The following ZNF827 variants were observed in gnomAD, a reference collection of about 807,000 sequenced individuals.
ZNF827 encodes the protein zinc finger protein 827.
A neutral mutation model predicts 102.4 loss-of-function variants in ZNF827; 13 were observed. That is an observed-to-expected ratio of 0.13 (90% CI 0.08 to 0.20). ZNF827 has a LOEUF of 0.20. ZNF827 is among the 10% of genes least tolerant of loss of function. The pLI, the probability that ZNF827 is intolerant of heterozygous loss-of-function variation, is 1.00. For missense variants in ZNF827, 1,103 were observed against 1,344.4 expected (o/e 0.82, Z 2.81); for synonymous variants, 523 against 536.2 (o/e 0.98, Z 0.34).
At chr4:145,772,138 T>C (rs1736386439) in intron 11 of ZNF827, among the ~76,000 whole-genome samples, 1 of 152,230 alleles carries the variant, frequency 6.6e-6, no homozygotes, top group East Asian at 1.9e-4. Flanking sequence ...GGGCCACATC[T>C]GAATAGTTTT....
intron 1 of ZNF827, among the ~76,000 whole-genome samples, chr4:145,910,285 G>T (rs922048652): frequency 6.6e-6 from 1 of 152,124 alleles, no homozygotes; most frequent in African/African-American, 2.4e-5. Context: ...CGAAAAAGTA[G>T]CTAAGTCAGT....
intron 5 of ZNF827, 61 bp from the exon 6 acceptor site, chr4:145,849,622 C>T (rs1746328349): frequency 1.3e-5 from 21 of 1,600,088 alleles, no homozygotes; most frequent in South Asian, 1.1e-4. Flanking sequence ...CAAGCTAGAC[C>T]CAGTTTCTAA....
In ZNF827 at chr4:145,918,414, AT is replaced by A. The variant is rs199632591; in HGVS notation, c.44-15200del. ...CAGAACAGGTACTTTTTCTTTATATATAAAAAAAAAAAGCGGAATGGTGCTC... is the reference window on the plus strand; with the variant it reads ...CAGAACAGGTACTTTTTCTTTATATAAAAAAAAAAAAGCGGAATGGTGCTC... On this transcript the variant is annotated intron_variant, in intron 1 of 14. Coordinates refer to ENST00000508784, the MANE Select transcript of ZNF827 (RefSeq NM_001306215.2). Among the ~76,000 whole-genome samples the A allele has an allele frequency of 1.5e-3, 217 of 143,768 alleles. 3 individuals carry two copies. The highest frequency in any genetic ancestry group is 0.015 in the South Asian group (65 of 4,464). 94.3% of individuals were successfully genotyped at this position (143,768 alleles called of 152,430 possible).
intron 7 of ZNF827, among the ~76,000 whole-genome samples, chr4:145,842,977 C>T (rs752929991): frequency 4.6e-5 from 7 of 152,168 alleles, no homozygotes; most frequent in Non-Finnish European, 8.8e-5. Context: ...TTACAAATCA[C>T]ACCTTAAAGC....
intron 8 of ZNF827, among the ~76,000 whole-genome samples, chr4:145,819,365 G>A (rs1286340593): frequency 6.6e-6 from 1 of 152,112 alleles, no homozygotes; most frequent in African/African-American, 2.4e-5. Context: ...CAGAATGGAA[G>A]CTCCACGTTG....
At chr4:145,790,810 A>C (rs543093583) in intron 8 of ZNF827, among the ~76,000 whole-genome samples, 1 of 152,170 alleles carries the variant, frequency 6.6e-6, no homozygotes, top group Non-Finnish European at 1.5e-5. Context: ...CTCCTAACCT[A>C]TTGAATTCTG....
chr4:145,910,157 C>T (rs1335885664), intron 1 of ZNF827, among the ~76,000 whole-genome samples: 4 of 152,008 alleles, frequency 2.6e-5, no homozygotes, highest in African/African-American at 7.2e-5. Context: ...GAGGGAGGGG[C>T]TCCTGGGTCA....
chr4:145,770,322 AT>A (rs1356488339), intron 11 of ZNF827, among the ~76,000 whole-genome samples: 6 of 145,212 alleles, frequency 4.1e-5, no homozygotes, highest in Non-Finnish European at 9.0e-5. Flanking sequence ...AAATAAATAA[AT>A]AAATAAATAA....
intron 8 of ZNF827, among the ~76,000 whole-genome samples, chr4:145,802,111 C>T (rs1740968566): frequency 6.6e-6 from 1 of 152,180 alleles, no homozygotes; most frequent in Non-Finnish European, 1.5e-5. Context: ...AGACTTGTTT[C>T]AGATACTAAG....
chr4:145,912,090 G>A (rs554654791), intron 1 of ZNF827, among the ~76,000 whole-genome samples: 2 of 152,170 alleles, frequency 1.3e-5, no homozygotes, highest in South Asian at 4.1e-4. Context: ...TATGTGAGGA[G>A]CTTGACAAAA....
intron 4 of ZNF827, among the ~76,000 whole-genome samples, chr4:145,884,471 T>A (rs1243493293): frequency 6.6e-6 from 1 of 152,208 alleles, no homozygotes; most frequent in Non-Finnish European, 1.5e-5. Context: ...TCCAAAGAGC[T>A]GACATGGCAT....
chr4:145,923,994 A>G (rs1753255386), intron 1 of ZNF827, among the ~76,000 whole-genome samples: 1 of 152,262 alleles, frequency 6.6e-6, no homozygotes, highest in African/African-American at 2.4e-5. Context: ...TGTTCAAAAC[A>G]GCAAAAAAAG....
Position 145,846,920 on chromosome 4 carries a change from G to A in ZNF827, c.2222-907C>T, listed in dbSNP as rs1370646179. Reference sequence around the variant, plus strand: ...TGTAATCCCAGCACTTTGGGAGGCCGAGGCAGGTGGATCACCTGAGGTCAG... The same window carrying A: ...TGTAATCCCAGCACTTTGGGAGGCCAAGGCAGGTGGATCACCTGAGGTCAG... On this transcript the variant is annotated intron_variant, in intron 6 of 14. Coordinates refer to ENST00000508784, the MANE Select transcript of ZNF827 (RefSeq NM_001306215.2). Among the ~76,000 whole-genome samples the A allele has an allele frequency of 1.3e-4, 19 of 143,702 alleles. No homozygotes were observed. The East Asian group carries it at 1.4e-3, about 11-fold the overall frequency. The allele number at this position is 143,702 out of a possible 152,430, so 94.3% of individuals were successfully genotyped here.
intron 11 of ZNF827, among the ~76,000 whole-genome samples, chr4:145,766,196 C>T (rs1042428088): frequency 6.6e-6 from 1 of 152,060 alleles, no homozygotes; most frequent in African/African-American, 2.4e-5. Flanking sequence ...GGTTTGAGTT[C>T]GTCTGACTCC....
rs1746555050 is a variant in ZNF827, at chr4:145,851,723, G to GT, written c.1982-2163dup. ...CCCCTTTCCCTACTCCTGCCAAGCT[G>GT]TTTTTTCTCTTCATGTCTGCAAAGC... On this transcript the variant is annotated intron_variant, in intron 5 of 14. Transcript: ENST00000508784. Among the ~76,000 whole-genome samples the GT allele has an allele frequency of 2.6e-5, 4 of 152,132 alleles. No homozygotes were observed. The South Asian group carries it at 8.3e-4, about 32-fold the overall frequency.
intron 2 of ZNF827, among the ~76,000 whole-genome samples, chr4:145,897,983 C>T (rs1000028648): frequency 2.0e-5 from 3 of 152,096 alleles, no homozygotes; most frequent in Non-Finnish European, 4.4e-5. Context: ...GGCGAAACCC[C>T]ATCTCTACTA....
At chr4:145,879,876 G>A (rs1055396964) in intron 4 of ZNF827, among the ~76,000 whole-genome samples, 9 of 152,284 alleles carry the variant, frequency 5.9e-5, no homozygotes, top group Middle Eastern at 3.4e-3. Context: ...GCTTCTTTCT[G>A]TAATTTGTGG....
At chr4:145,912,056 C>T (rs150080948) in intron 1 of ZNF827, among the ~76,000 whole-genome samples, 1 of 152,102 alleles carries the variant, frequency 6.6e-6, no homozygotes, top group Non-Finnish European at 1.5e-5. Flanking sequence ...AAGTTGAAAC[C>T]CAAATATTCA....
Position 145,765,626 on chromosome 4 carries a change from C to T in ZNF827, c.2973G>A (p.Lys991=), listed in dbSNP as rs1560888962. The part of the protein sequence containing the change: ...KDDSDGSQKN[K]GGNNLLVISV... Reference sequence around the variant, plus strand: ...AGATGACCAGCAGATTGTTCCCGCCCTTGTTTTTCTGGGAGCCATCTGAAT... The same window carrying T: ...AGATGACCAGCAGATTGTTCCCGCCTTTGTTTTTCTGGGAGCCATCTGAAT... Residue 991 remains lysine (K), a synonymous_variant, in exon 12 of 15, where the codon AAG becomes AAA. Transcript: ENST00000508784. The surrounding 1 kb of genome is among the most constrained non-coding windows in gnomAD (Gnocchi z 4.7). The T allele has an allele frequency of 1.2e-6, 2 of 1,614,142 alleles. No homozygotes were observed. The highest frequency in any genetic ancestry group is 8.5e-7 in the Non-Finnish European group (1 of 1,180,022).
Sources: allele counts gnomAD v4.1 joint callset (sites outside exome capture counted in the v4.1 genomes callset), GRCh38; gene constraint gnomAD v4.1.1; non-coding constraint Gnocchi (gnomAD v3.1); transcripts MANE v1.5; gene names NCBI Gene and HGNC (gene_info 2026-07-23, HGNC 2026-07-21).